ARHGAP22: variants seen among roughly 807,000 people sequenced by gnomAD.
ARHGAP22 encodes Rho GTPase activating protein 22.
ARHGAP22 carries 48 observed loss-of-function variants against 59.1 expected under a neutral mutation model. That is an observed-to-expected ratio of 0.81 (90% CI 0.64 to 1.03). The LOEUF is 1.03. Ranked by LOEUF, ARHGAP22 falls within the 50% of genes least tolerant of loss-of-function variation. The pLI is 0.00. For synonymous variants in ARHGAP22, 445 were observed against 416.4 expected (o/e 1.07, Z -0.84); for missense variants, 1,015 against 958.7 (o/e 1.06, Z -0.78).
At chr10:48,625,222 C>T (rs532296177) in intron 1 of ARHGAP22, 13 of 152,284 alleles carry the variant, frequency 8.5e-5, no homozygotes, top group African/African-American at 3.1e-4. Context: ...GCTCCCTTCC[C>T]TTGACTCATC....
chr10:48,606,676 T>C (rs769449458), upstream of ARHGAP22, among the ~76,000 whole-genome samples: 3 of 152,230 alleles, frequency 2.0e-5, no homozygotes, highest in Non-Finnish European at 4.4e-5. Flanking sequence ...CCTGTGCCTC[T>C]GTGTTTTTGC....
chr10:48,440,777 C>G, the ARHGAP22 span, among the ~76,000 whole-genome samples: 1 of 152,084 alleles, frequency 6.6e-6, no homozygotes, highest in Non-Finnish European at 1.5e-5. Flanking sequence ...ATGACCTGAC[C>G]CTTGTTTTAG....
chr10:48,576,119 T>C (rs547296564), intron 2 of ARHGAP22, among the ~76,000 whole-genome samples: 1 of 152,332 alleles, frequency 6.6e-6, no homozygotes, highest in South Asian at 2.1e-4. Flanking sequence ...TTCCTGCCTG[T>C]AGGATGAGCA....
At chr10:48,483,757 G>T (rs1170199019) in intron 3 of ARHGAP22, among the ~76,000 whole-genome samples, 1 of 152,010 alleles carries the variant, frequency 6.6e-6, no homozygotes, top group Non-Finnish European at 1.5e-5. Context: ...TGAGTTCCTT[G>T]TATATTCTGG....
chr10:48,457,332 GC>G (rs2046640315), intron 5 of ARHGAP22, among the ~76,000 whole-genome samples: 1 of 152,128 alleles, frequency 6.6e-6, no homozygotes, highest in Non-Finnish European at 1.5e-5. Context: ...CTGGGTGTCC[GC>G]AGGGCTCCTC....
At chr10:48,574,175 G>A (rs905675703) in intron 2 of ARHGAP22, among the ~76,000 whole-genome samples, 14 of 152,294 alleles carry the variant, frequency 9.2e-5, no homozygotes, top group Admixed American at 5.9e-4. Flanking sequence ...TTTTTCCATT[G>A]AGGATCTAAT....
At chr10:48,645,661 G>C (rs924561811) in intron 1 of ARHGAP22, among the ~76,000 whole-genome samples, 1 of 149,166 alleles carries the variant, frequency 6.7e-6, no homozygotes, top group East Asian at 1.9e-4. Flanking sequence ...TGTGTTAAAG[G>C]GTATCTATGA....
rs1355602862 is a variant in ARHGAP22, at chr10:48,446,401, G to A, written c.2087C>T (p.Ala696Val). The A allele has an allele frequency of 1.2e-6, 2 of 1,613,970 alleles. No individual in the cohort carries two copies. Among genetic ancestry groups the A allele is most frequent in the African/African-American group, 2.7e-5 (2 of 74,882 alleles). The change falls in exon 10 of 10, where the codon GCC becomes GTC. Residue 696 changes from alanine (A) to valine (V), a missense_variant. Coordinates refer to ENST00000249601, the MANE Select transcript of ARHGAP22 (RefSeq NM_021226.4). ...SLTVGAKGARAPK is the reference protein window; with the variant it reads ...SLTVGAKGARVPK ...GCTCTGCCATTCCTTTTACTTTGGG[G>A]CCCTGGCACCTTTTGCCCCAACAGT... is the stretch of plus-strand genomic sequence containing the variant.
intron 1 of ARHGAP22, among the ~76,000 whole-genome samples, chr10:48,626,717 A>C (rs990186894): frequency 3.3e-5 from 5 of 152,164 alleles, no homozygotes; most frequent in African/African-American, 7.2e-5. Context: ...GATGGGAACT[A>C]GATATTTGAT....
chr10:48,574,153 A>T (rs1453377219), intron 2 of ARHGAP22, among the ~76,000 whole-genome samples: 2 of 152,236 alleles, frequency 1.3e-5, no homozygotes, highest in Non-Finnish European at 2.9e-5. Flanking sequence ...ACTTTACAAA[A>T]GCAATAAATT....
intron 4 of ARHGAP22, among the ~76,000 whole-genome samples, chr10:48,465,965 G>A (rs561700618): frequency 6.6e-6 from 1 of 152,222 alleles, no homozygotes; most frequent in South Asian, 2.1e-4. Flanking sequence ...TAAGTATTAG[G>A]GAGCTTCAGA....
At chr10:48,445,437 C>G (rs550632943), downstream of ARHGAP22, 1 of 152,592 alleles carries the variant, frequency 6.6e-6, no homozygotes, top group South Asian at 2.1e-4. Flanking sequence ...TCCAGGAGCT[C>G]CAGCTGGGCC....
chr10:48,652,316 C>A lies in ARHGAP22; in HGVS notation c.-31G>T, dbSNP rs996516587. On this transcript the variant is annotated 5_prime_UTR_variant, in exon 1 of 10. Transcript: ENST00000435790. ...AGCTGGCAGTCTGTGCAAATTTCTT[C>A]TGTATCCTTTTTATAAAGAACCAAC... The A allele has an allele frequency of 4.4e-5, 67 of 1,532,942 alleles. 1 individual carries two copies. The highest frequency in any genetic ancestry group is 5.2e-5 in the Non-Finnish European group (60 of 1,144,480). 95.0% of individuals were successfully genotyped at this position (1,532,942 alleles called of 1,614,324 possible).
chr10:48,457,791 G>A (rs945302069), intron 5 of ARHGAP22, among the ~76,000 whole-genome samples: 9 of 152,176 alleles, frequency 5.9e-5, no homozygotes, highest in African/African-American at 2.2e-4. Flanking sequence ...AGGAAAGTGA[G>A]GAGGGGGCTT....
At position 48,563,187 on chromosome 10, in the gene ARHGAP22, A is replaced by ATTTTTTTTTT. The variant is rs558735630; in HGVS notation, c.235-7647_235-7638dup. ...AGATCCACTTGGATAATCCAGGATA[A>ATTTTTTTTTT]TTTTTTTTTTTTTTTTTTTTTTTTG... On this transcript the variant is annotated intron_variant, in intron 2 of 9. Transcript: ENST00000249601. Among the ~76,000 whole-genome samples the ATTTTTTTTTT allele has an allele frequency of 2.2e-3, 232 of 104,180 alleles. 6 individuals are homozygous for ATTTTTTTTTT. The highest frequency in any genetic ancestry group is 3.0e-3 in the East Asian group (6 of 2,026). The allele number at this position is 104,180 out of a possible 152,430, so 68.3% of individuals were successfully genotyped here.
chr10:48,434,686 A>G, the ARHGAP22 span, among the ~76,000 whole-genome samples: 1 of 152,212 alleles, frequency 6.6e-6, no homozygotes, highest in African/African-American at 2.4e-5. Flanking sequence ...GATTCTAGAC[A>G]TTTTCAGAAT....
chr10:48,510,353 C>G (rs1564793810), intron 3 of ARHGAP22, among the ~76,000 whole-genome samples: 2 of 152,252 alleles, frequency 1.3e-5, no homozygotes, highest in Admixed American at 6.5e-5. Context: ...ACAGAGAGCA[C>G]TGGGGCCTGC....
intron 3 of ARHGAP22, among the ~76,000 whole-genome samples, chr10:48,480,183 T>C (rs1458059699): frequency 6.6e-6 from 1 of 152,148 alleles, no homozygotes; most frequent in Admixed American, 6.5e-5. Context: ...GCTCGGAGAT[T>C]AGGGCCTCCC....
At chr10:48,648,874 C>A (rs2062429726) in intron 1 of ARHGAP22, among the ~76,000 whole-genome samples, 1 of 152,126 alleles carries the variant, frequency 6.6e-6, no homozygotes, top group Non-Finnish European at 1.5e-5. Context: ...CCTGGGCATC[C>A]ATATGGATGT....
Sources: allele counts gnomAD v4.1 joint callset (sites outside exome capture counted in the v4.1 genomes callset), GRCh38; gene constraint gnomAD v4.1.1; transcripts MANE v1.5; gene names NCBI Gene and HGNC (gene_info 2026-07-23, HGNC 2026-07-21).